The following IQSEC1 variants were observed in gnomAD, a reference collection of about 807,000 sequenced individuals.
IQSEC1 encodes the protein IQ motif and SEC7 domain-containing protein 1.
IQSEC1 carries 31 observed loss-of-function variants against 91.0 expected under a neutral mutation model. The ratio of observed to expected loss-of-function variants is 0.34; its 90% CI spans 0.26 to 0.46. IQSEC1 has a LOEUF of 0.46. IQSEC1 is among the 20% of genes least tolerant of loss of function. The pLI is 1.00. For synonymous variants in IQSEC1, 699 were observed against 662.6 expected, an observed-to-expected ratio of 1.05 and a Z score of -0.84; for missense variants, 1,388 against 1,575.6, an observed-to-expected ratio of 0.88 and a Z score of 2.02.
At chr3:12,919,249 A>G (rs1371369766) in intron 6 of IQSEC1, among the ~76,000 whole-genome samples, 1 of 152,198 alleles carries the variant, frequency 6.6e-6, no homozygotes, top group Non-Finnish European at 1.5e-5. Flanking sequence ...GGGGCCTGCG[A>G]TGCCCCTCAG....
At chr3:12,914,027 G>C (rs568748832) in intron 8 of IQSEC1, among the ~76,000 whole-genome samples, 12 of 152,308 alleles carry the variant, frequency 7.9e-5, no homozygotes, top group Admixed American at 7.2e-4. Context: ...ACAAAACTAG[G>C]AAGTGGCAGA....
At chr3:13,063,027 G>A (rs1035502329) in intron 1 of IQSEC1, among the ~76,000 whole-genome samples, 11 of 152,252 alleles carry the variant, frequency 7.2e-5, no homozygotes, top group Admixed American at 1.3e-4. Context: ...CATCTCTGGC[G>A]CAGCCCCAGC....
At chr3:12,988,494 G>T (rs533598012) in intron 1 of IQSEC1, among the ~76,000 whole-genome samples, 16 of 152,166 alleles carry the variant, frequency 1.1e-4, no homozygotes, top group African/African-American at 3.9e-4. Context: ...GGTGAATCTC[G>T]CAGATGCAAC....
intron 1 of IQSEC1, among the ~76,000 whole-genome samples, chr3:13,280,072 A>T (rs1359451961): frequency 6.6e-6 from 1 of 152,186 alleles, no homozygotes; most frequent in African/African-American, 2.4e-5. Flanking sequence ...ATTCTCAAAA[A>T]AGTATGGGAG....
chr3:12,980,247 G>A (rs1185098338), intron 1 of IQSEC1, among the ~76,000 whole-genome samples: 1 of 152,242 alleles, frequency 6.6e-6, no homozygotes, highest in Non-Finnish European at 1.5e-5. Context: ...CTCAGCTGGT[G>A]GTGGCAGAGC....
intron 1 of IQSEC1, among the ~76,000 whole-genome samples, chr3:13,261,012 G>T (rs925144675): frequency 6.6e-6 from 1 of 152,180 alleles, no homozygotes; most frequent in Admixed American, 6.5e-5. Context: ...CCTGACCGAC[G>T]GCCTCAAGCT....
chr3:13,176,168 C>T (rs955619090), intron 1 of IQSEC1, among the ~76,000 whole-genome samples: 1 of 152,196 alleles, frequency 6.6e-6, no homozygotes, highest in Non-Finnish European at 1.5e-5. Flanking sequence ...CTGCCAAAAG[C>T]CATGTGGCTG....
intron 2 of IQSEC1, among the ~76,000 whole-genome samples, chr3:13,092,387 C>T (rs926964176): frequency 2.0e-5 from 3 of 152,142 alleles, no homozygotes; most frequent in African/African-American, 7.2e-5. Flanking sequence ...CTGCAAAACA[C>T]GCCCCGGCTG....
Position 13,073,148 on chromosome 3 carries a change from C to CG in IQSEC1, c.-135dup. On this transcript the variant is annotated 5_prime_UTR_variant, in exon 1 of 14. Transcript: ENST00000613206. ...TAAATCGCGGGGCGAGTCACATTCCCGGGGGTGGCGGGCTCCTCCAGGGAG... is the reference window on the plus strand; with the variant it reads ...TAAATCGCGGGGCGAGTCACATTCCCGGGGGGTGGCGGGCTCCTCCAGGGAG... 1.4e-5 allele frequency: 8 copies of CG among 564,240 alleles called. No individual in the cohort carries two copies. The highest frequency in any genetic ancestry group is 6.5e-5 in the East Asian group (1 of 15,456). 35.0% of individuals were successfully genotyped at this position (564,240 alleles called of 1,614,324 possible).
At chr3:13,072,611 C>T (rs1559248604) in intron 1 of IQSEC1, among the ~76,000 whole-genome samples, 1 of 152,246 alleles carries the variant, frequency 6.6e-6, no homozygotes, top group South Asian at 2.1e-4. Context: ...TCAGGCATGG[C>T]TGAAGGGCTG....
At chr3:12,923,214 C>A (rs1696794263) in intron 4 of IQSEC1, among the ~76,000 whole-genome samples, 1 of 152,180 alleles carries the variant, frequency 6.6e-6, no homozygotes, top group Non-Finnish European at 1.5e-5. Context: ...CTTCCTGAGG[C>A]CACTGCTATT....
intron 2 of IQSEC1, among the ~76,000 whole-genome samples, chr3:13,120,071 C>T (rs1176716113): frequency 6.6e-6 from 1 of 152,204 alleles, no homozygotes; most frequent in African/African-American, 2.4e-5. Context: ...AGAAGGCACT[C>T]ACCTGGCACA....
chr3:13,252,733 TG>T (rs1368891830), intron 1 of IQSEC1, among the ~76,000 whole-genome samples: 3 of 141,640 alleles, frequency 2.1e-5, no homozygotes, highest in African/African-American at 5.7e-5. Flanking sequence ...TTTTTGTTTT[TG>T]TTTGTTTGTT....
Position 13,063,220 on chromosome 3 carries a change from C to A in IQSEC1, c.23+9772G>T, listed in dbSNP as rs930587026. Among the ~76,000 whole-genome samples, 4 of 152,252 alleles carry A rather than the reference C, an allele frequency of 2.6e-5. No homozygotes were observed. The South Asian group carries it at 6.2e-4, about 24-fold the overall frequency. On this transcript the variant is annotated intron_variant, in intron 1 of 13. Transcript: ENST00000613206. ...TGCCCTAGTCCTGCCCACAACCTCA[C>A]CAGCCATGTCCCAGCTTTCCTTCAA...
intron 1 of IQSEC1, among the ~76,000 whole-genome samples, chr3:13,007,028 C>G (rs952348303): frequency 2.0e-5 from 3 of 152,228 alleles, no homozygotes; most frequent in African/African-American, 7.2e-5. Flanking sequence ...GCAGGAGACA[C>G]TTGTCCAAAG....
intron 1 of IQSEC1, among the ~76,000 whole-genome samples, chr3:13,038,711 T>C (rs930955690): frequency 1.3e-5 from 2 of 152,236 alleles, no homozygotes; most frequent in Admixed American, 6.5e-5. Context: ...ATACCCTCAA[T>C]GTCGGGGGAA....
At chr3:13,000,331 A>G (rs1239366018) in intron 1 of IQSEC1, among the ~76,000 whole-genome samples, 3 of 152,228 alleles carry the variant, frequency 2.0e-5, no homozygotes, top group Non-Finnish European at 4.4e-5. Flanking sequence ...CTCTTTGTAT[A>G]TTAGCTGAAG....
rs536351087 is a variant in IQSEC1, at chr3:12,992,096, C to G, written c.24-50231G>C. Reference sequence around the variant, plus strand: ...ACCTCTGAGGGGACACCGAGTCCTCCGAGCATTCCCCAGGAAGCAGCCCTC... The same window carrying G: ...ACCTCTGAGGGGACACCGAGTCCTCGGAGCATTCCCCAGGAAGCAGCCCTC... On this transcript the variant is annotated intron_variant, in intron 1 of 13. Transcript: ENST00000613206. The surrounding 1 kb of genome is among the most constrained non-coding windows in gnomAD (Gnocchi z 4.1). 1.3e-5 allele frequency among the ~76,000 whole-genome samples: 2 copies of G among 152,152 alleles called. No homozygotes were observed. Among genetic ancestry groups the G allele is most frequent in the Non-Finnish European group, 2.9e-5 (2 of 68,004 alleles).
rs1705139357 is a variant in IQSEC1 at position 13,063,527 on chromosome 3, C to T, written c.23+9465G>A. On this transcript the variant is annotated intron_variant, in intron 1 of 13. Coordinates refer to ENST00000613206, the MANE Select transcript of IQSEC1 (RefSeq NM_001134382.3). ...AGTGGCCGTCAGCAGGGCTGTTCTG[C>T]AAGCCCAGGGGAGCAGGAAGGCCCA... Among the ~76,000 whole-genome samples, 2 of 152,200 alleles carry T rather than the reference C, an allele frequency of 1.3e-5. 1 individual carries two copies. The highest frequency in any genetic ancestry group is 4.1e-4 in the South Asian group (2 of 4,826).
Sources: allele counts gnomAD v4.1 joint callset (sites outside exome capture counted in the v4.1 genomes callset), GRCh38; gene constraint gnomAD v4.1.1; non-coding constraint Gnocchi (gnomAD v3.1); transcripts MANE v1.5; gene names NCBI Gene and HGNC (gene_info 2026-07-23, HGNC 2026-07-21).